The following UQCC4 variants were observed in gnomAD, a reference collection of about 807,000 sequenced individuals.
The protein encoded by UQCC4 is ubiquinol-cytochrome c reductase complex assembly factor 4.
At chr16:1,419,815 G>A in the UQCC4 span, 1 of 1,028,214 alleles carries the variant, frequency 9.7e-7, no homozygotes, top group Non-Finnish European at 1.3e-6. Flanking sequence ...ATGTGGAAGT[G>A]TTCCTTGCAC....
chr16:1,420,457 G>T, the UQCC4 span: 2 of 1,614,240 alleles, frequency 1.2e-6, no homozygotes, highest in Non-Finnish European at 1.7e-6. Flanking sequence ...ATGGCCCACC[G>T]ACCAGCGGTG....
chr16:1,420,736 T>G, the UQCC4 span: 2 of 1,537,020 alleles, frequency 1.3e-6, no homozygotes, highest in Non-Finnish European at 1.7e-6. Flanking sequence ...CTGCCTTGAC[T>G]CCTCGACTGA....
the UQCC4 span, chr16:1,419,864 A>G: frequency 1.1e-5 from 15 of 1,338,454 alleles, no homozygotes; most frequent in Non-Finnish European, 1.4e-5. Flanking sequence ...CTTCTGCCAG[A>G]TATTCTATCT....
the UQCC4 span, chr16:1,420,412 T>C: frequency 1.2e-6 from 2 of 1,614,252 alleles, no homozygotes; most frequent in Non-Finnish European, 1.7e-6. Context: ...GGGCAGCACC[T>C]TCCACCAGGG....
the UQCC4 span, chr16:1,420,419 AG>A: frequency 1.2e-5 from 20 of 1,614,126 alleles, no homozygotes; most frequent in Non-Finnish European, 1.7e-5. Context: ...ACCTTCCACC[AG>A]GGCCGCTGAT....
At chr16:1,420,684 G>A in the UQCC4 span, 2,693 of 1,547,034 alleles carry the variant, frequency 1.7e-3, 38 homozygotes, top group African/African-American at 0.032. Context: ...AGACCTTGAG[G>A]AGCTCACCCG....
chr16:1,420,045 A>G, the UQCC4 span: 9 of 1,611,486 alleles, frequency 5.6e-6, no homozygotes, highest in Non-Finnish European at 6.8e-6. Flanking sequence ...GGACATCAAG[A>G]GCCAGGCGAG....
the UQCC4 span, chr16:1,420,598 A>G: frequency 1.3e-5 from 21 of 1,588,604 alleles, no homozygotes; most frequent in Admixed American, 1.8e-5. Flanking sequence ...TATGAGCCTC[A>G]GCGCCCGGAC....
the UQCC4 span, chr16:1,420,614 T>C: frequency 6.4e-7 from 1 of 1,566,466 alleles, no homozygotes; most frequent in South Asian, 1.2e-5. Context: ...CGGACGGCCC[T>C]GGAAGAGAGA....
the UQCC4 span, chr16:1,420,744 T>A: frequency 1.2e-5 from 19 of 1,536,050 alleles, no homozygotes; most frequent in South Asian, 1.9e-4. Context: ...ACTCCTCGAC[T>A]GACGCCTTGG....
chr16:1,420,703 G>A, the UQCC4 span: 1 of 1,543,466 alleles, frequency 6.5e-7, no homozygotes, highest in Non-Finnish European at 8.7e-7. Context: ...CGGCCGCCGG[G>A]GCACACAAGA....
At chr16:1,420,532 G>C in the UQCC4 span, 3 of 1,614,054 alleles carry the variant, frequency 1.9e-6, no homozygotes, top group Non-Finnish European at 2.5e-6. Flanking sequence ...CTCGGCGGCA[G>C]GGTGGGCCCG....
the UQCC4 span, chr16:1,420,687 C>T: frequency 4.5e-6 from 7 of 1,546,338 alleles, no homozygotes; most frequent in African/African-American, 8.2e-5. Context: ...CCTTGAGGAG[C>T]TCACCCGGCC....
chr16:1,419,761 A>C, the UQCC4 span: 1 of 547,966 alleles, frequency 1.8e-6, no homozygotes, highest in Non-Finnish European at 2.7e-6. Context: ...ATCCCATATT[A>C]TAAAATTAAA....
At chr16:1,420,343 G>T in the UQCC4 span, 1 of 1,614,158 alleles carries the variant, frequency 6.2e-7, no homozygotes, top group Non-Finnish European at 8.5e-7. Flanking sequence ...CCACTGGTCC[G>T]CCTCGCTCTC....
chr16:1,419,792 G>C, the UQCC4 span: 1 of 716,142 alleles, frequency 1.4e-6, no homozygotes, highest in Non-Finnish European at 2.0e-6. Flanking sequence ...ATTTGTTGTT[G>C]TGTAAAACTC....
chr16:1,420,447 A>T, the UQCC4 span: 8 of 1,614,112 alleles, frequency 5.0e-6, no homozygotes, highest in African/African-American at 6.7e-5. Flanking sequence ...TTCCCATGGT[A>T]TGGCCCACCG....
At chr16:1,419,835 C>T in the UQCC4 span, 2 of 1,216,562 alleles carry the variant, frequency 1.6e-6, no homozygotes, top group African/African-American at 3.1e-5. Context: ...CAGGCCGCAG[C>T]ATGCAATACA....
the UQCC4 span, chr16:1,420,357 C>T: frequency 1.1e-5 from 18 of 1,614,130 alleles, no homozygotes; most frequent in Non-Finnish European, 1.4e-5. Flanking sequence ...CGCTCTCCTC[C>T]CTCAGGTAGC....
Sources: gnomAD v4.1 joint callset for allele counts on GRCh38, gnomAD v4.1.1 for gene constraint, MANE v1.5 for transcripts, NCBI Gene and HGNC (gene_info 2026-07-23, HGNC 2026-07-21) for gene names.